Variants in RORA observed in about 807,000 individuals in gnomAD.
RORA encodes the protein RAR related orphan receptor A, also known as nuclear receptor ROR-alpha.
In RORA, 7 loss-of-function variants were observed where a neutral mutation model predicts 69.5. The ratio of observed to expected loss-of-function variants is 0.10; its 90% confidence interval spans 0.06 to 0.19. The LOEUF (loss-of-function observed/expected upper bound fraction) is 0.19, where lower values mean the gene tolerates loss of function less well. Among genes scored for constraint, RORA ranks in the 10% least tolerant of loss-of-function variants. The probability of loss-of-function intolerance (pLI) is 1.00; values close to 1 mark genes in which losing one functional copy is unlikely to be tolerated. For missense variants in RORA, 457 were observed against 663.0 expected (o/e 0.69, Z 3.41); for synonymous variants, 261 against 240.8 (o/e 1.08, Z -0.78).
rs139345622 is a variant in RORA at position 60,992,928 on chromosome 15, C to G, written c.166+236125G>C. 1.8e-4 allele frequency among the ~76,000 whole-genome samples: 28 copies of G among 152,278 alleles called. No individual in the cohort carries two copies. The East Asian group carries it at 3.1e-3, about 17-fold the overall frequency. On this transcript the variant is annotated intron_variant, in intron 1 of 10. Transcript: ENST00000335670. ...TACCAAAAAACTTCAAGTGCTTCAG[C>G]ATGAAACTACTGATCCATAAATTGC...
intron 1 of RORA, among the ~76,000 whole-genome samples, chr15:61,044,729 G>A (rs1474606838): frequency 6.6e-6 from 1 of 152,170 alleles, no homozygotes; most frequent in Non-Finnish European, 1.5e-5. Context: ...CATCAGGTAT[G>A]ATTGCTCCAT....
intron 1 of RORA, among the ~76,000 whole-genome samples, chr15:61,196,990 C>G (rs1014349468): frequency 1.4e-4 from 21 of 152,136 alleles, no homozygotes; most frequent in Non-Finnish European, 2.8e-4. Flanking sequence ...AGCTTGCTTG[C>G]CAGAGCAGAA....
intron 1 of RORA, among the ~76,000 whole-genome samples, chr15:61,191,909 C>T (rs1223495656): frequency 1.3e-5 from 2 of 152,340 alleles, no homozygotes; most frequent in Admixed American, 1.3e-4. Context: ...AATACTATTG[C>T]CATTCAAGCT....
chr15:60,845,956 A>T (rs2140408531), intron 1 of RORA, among the ~76,000 whole-genome samples: 1 of 152,188 alleles, frequency 6.6e-6, no homozygotes, highest in East Asian at 1.9e-4. Context: ...CTTGTTAGCC[A>T]GGATGGTCTC....
At chr15:60,855,836 C>T (rs767110506) in intron 1 of RORA, among the ~76,000 whole-genome samples, 6 of 152,304 alleles carry the variant, frequency 3.9e-5, no homozygotes, top group Admixed American at 2.0e-4. Context: ...AGGCTGGTCT[C>T]GAACTCCTGA....
At chr15:60,667,346 T>C (rs1184909243) in intron 2 of RORA, among the ~76,000 whole-genome samples, 1 of 152,206 alleles carries the variant, frequency 6.6e-6, no homozygotes, top group Non-Finnish European at 1.5e-5. Context: ...CAACTTTATA[T>C]GGTTTGTTGT....
chr15:60,679,485 A>C (rs1230761596), intron 1 of RORA, among the ~76,000 whole-genome samples: 1 of 152,198 alleles, frequency 6.6e-6, no homozygotes, highest in African/African-American at 2.4e-5. Context: ...GAATTACTAC[A>C]TTTTGAATCC....
intron 1 of RORA, among the ~76,000 whole-genome samples, chr15:60,993,209 G>GC (rs1894434450): frequency 6.6e-6 from 1 of 152,188 alleles, no homozygotes; most frequent in Non-Finnish European, 1.5e-5. Context: ...CATTCTTCTA[G>GC]CATGTGTCAT....
rs149832251 is a variant in RORA at position 60,702,129 on chromosome 15, T to C, written c.167-23443A>G. Reference sequence around the variant, plus strand: ...ATCAGTGCTTACCAGCGGTGGAACATTGGGCAAGTCACTTACCCTCTCAAA... The same window carrying C: ...ATCAGTGCTTACCAGCGGTGGAACACTGGGCAAGTCACTTACCCTCTCAAA... On this transcript the variant is annotated intron_variant, in intron 1 of 10. Transcript: ENST00000335670. Among the ~76,000 whole-genome samples the C allele has an allele frequency of 2.6e-4, 40 of 152,306 alleles. 1 individual carries two copies. The highest frequency in any genetic ancestry group is 7.7e-4 in the African/African-American group (32 of 41,570).
At chr15:60,857,117 AC>A (rs1406960791) in intron 1 of RORA, among the ~76,000 whole-genome samples, 1 of 152,160 alleles carries the variant, frequency 6.6e-6, no homozygotes, top group Non-Finnish European at 1.5e-5. Flanking sequence ...ACCTATAAGG[AC>A]CTTGCAGGCT....
At chr15:60,516,838 A>G (rs1311078489) in intron 3 of RORA, among the ~76,000 whole-genome samples, 1 of 152,212 alleles carries the variant, frequency 6.6e-6, no homozygotes. Context: ...TTACTGAATT[A>G]AAAGAGTCAT....
chr15:61,115,858 G>A (rs756881520), intron 1 of RORA, among the ~76,000 whole-genome samples: 10 of 152,184 alleles, frequency 6.6e-5, no homozygotes, highest in Non-Finnish European at 1.3e-4. Context: ...AGCTCCAGAG[G>A]GCTTCCTTTA....
intron 3 of RORA, chr15:60,528,558 T>C (rs964904902): frequency 6.6e-6 from 1 of 152,206 alleles, no homozygotes; most frequent in Non-Finnish European, 1.5e-5. Flanking sequence ...GGAGTGCTCA[T>C]AGTATTCTTT....
At chr15:60,819,783 A>ACG (rs2072869496) in intron 1 of RORA, among the ~76,000 whole-genome samples, 1 of 149,496 alleles carries the variant, frequency 6.7e-6, no homozygotes, top group African/African-American at 2.5e-5. Flanking sequence ...ACACACACAC[A>ACG]CACACACACA....
At chr15:60,628,061 T>C (rs145313622) in intron 2 of RORA, among the ~76,000 whole-genome samples, 3 of 152,374 alleles carry the variant, frequency 2.0e-5, no homozygotes, top group South Asian at 2.1e-4. Context: ...CTTTATTATC[T>C]GGTTAACGTA....
chr15:60,675,619 A>G (rs1194470429), intron 2 of RORA, among the ~76,000 whole-genome samples: 7 of 152,234 alleles, frequency 4.6e-5, no homozygotes, highest in Non-Finnish European at 1.0e-4. Context: ...TTCTCCAAAG[A>G]CTATGTCCAT....
chr15:60,901,708 C>T (rs150036032), intron 1 of RORA, among the ~76,000 whole-genome samples: 104 of 152,290 alleles, frequency 6.8e-4, no homozygotes, highest in Middle Eastern at 3.4e-3. Flanking sequence ...TTGGGCACTA[C>T]GCAACTTCTC....
At chr15:60,587,412 A>G (rs1337571947) in intron 2 of RORA, among the ~76,000 whole-genome samples, 2 of 152,208 alleles carry the variant, frequency 1.3e-5, no homozygotes, top group Non-Finnish European at 2.9e-5. Flanking sequence ...AGACAAAGTT[A>G]TATCCAGGAC....
At chr15:60,776,815 C>T (rs1323162115) in intron 1 of RORA, among the ~76,000 whole-genome samples, 1 of 152,170 alleles carries the variant, frequency 6.6e-6, no homozygotes, top group African/African-American at 2.4e-5. Flanking sequence ...CCTATCCTTA[C>T]CATTCTGTTT....
Sources: allele counts gnomAD v4.1 joint callset (sites outside exome capture counted in the v4.1 genomes callset), GRCh38; gene constraint gnomAD v4.1.1; transcripts MANE v1.5; gene names NCBI Gene and HGNC (gene_info 2026-07-23, HGNC 2026-07-21).